Variants in LRIT1 observed in about 807,000 individuals in gnomAD.
The protein encoded by LRIT1 is leucine rich repeat, Ig-like and transmembrane domains 1.
LRIT1 carries 23 observed loss-of-function variants against 24.0 expected under a neutral mutation model. The observed-to-expected ratio is 0.96, with a 90% confidence interval of 0.69 to 1.36. The LOEUF is 1.36. LRIT1 is among the 40% of genes most tolerant of loss of function. The pLI, the probability that LRIT1 is intolerant of heterozygous loss-of-function variation, is 0.00. For missense variants in LRIT1, 846 were observed against 806.3 expected (o/e 1.05, Z -0.60); for synonymous variants, 361 against 340.5 (o/e 1.06, Z -0.66).
rs185794173 is a variant in LRIT1, at chr10:84,239,431, C to T, written c.123-1745G>A. On this transcript the variant is annotated intron_variant, in intron 1 of 3. Coordinates refer to ENST00000372105, the MANE Select transcript of LRIT1 (RefSeq NM_015613.3). ...CTGCACTCCAGCCTGGGTGACAGAGCAAGACCCTGTCTCAAAAAAAGTAAT... is the reference window on the plus strand; with the variant it reads ...CTGCACTCCAGCCTGGGTGACAGAGTAAGACCCTGTCTCAAAAAAAGTAAT... Among the ~76,000 whole-genome samples the T allele has an allele frequency of 2.4e-4, 37 of 152,250 alleles. No individual in the cohort carries two copies. In the East Asian group the frequency reaches 6.8e-3, roughly 28 times the overall value.
intron 1 of LRIT1, among the ~76,000 whole-genome samples, chr10:84,240,921 C>A (rs1322218782): frequency 6.6e-6 from 1 of 151,418 alleles, no homozygotes; most frequent in Non-Finnish European, 1.5e-5. Context: ...GTGCAAGTGG[C>A]CTGGGAAAGA....
Position 84,234,195 on chromosome 10 carries a change from G to T in LRIT1, c.773C>A (p.Pro258Gln), listed in dbSNP as rs7090059. ...LRKCQGPELHPGVASIRSLLG... is the reference protein window; with the variant it reads ...LRKCQGPELHQGVASIRSLLG... ...AAGGGACCTGATGCTGGCCACTCCT[G>T]GATGGAGCTCTGGGCCCTGGCACTT... Residue 258 changes from proline to glutamine, a missense_variant, in exon 3 of 4, where the codon CCA (proline) becomes CAA (glutamine). Pro to Gln is a moderately conservative substitution (Grantham distance 76). Transcript: ENST00000372105. 2,859 of 1,614,056 alleles carry T rather than the reference G, an allele frequency of 1.8e-3. 43 individuals are homozygous for T. The African/African-American group carries it at 0.03, about 17-fold the overall frequency.
rs1201739735 is a variant in LRIT1, at chr10:84,232,321, T to C, written c.1478A>G (p.Lys493Arg). ...VTITGLLPKTKYVACVCVQGL... is the reference protein window; with the variant it reads ...VTITGLLPKTRYVACVCVQGL... Reference sequence around the variant, plus strand: ...CTGCACACAGACACACGCCACATACTTGGTCTTGGGCAACAGCCCAGTGAT... The same window carrying C: ...CTGCACACAGACACACGCCACATACCTGGTCTTGGGCAACAGCCCAGTGAT... Residue 493 changes from lysine to arginine, a missense_variant, in exon 4 of 4, where the codon AAG (lysine) becomes AGG (arginine). Physicochemically the swap from Lys to Arg is conservative, Grantham distance 26 (BLOSUM62 2). Transcript: ENST00000372105. 3.7e-6 allele frequency: 6 copies of C among 1,613,886 alleles called. No individual in the cohort carries two copies. The highest frequency in any genetic ancestry group is 5.1e-6 in the Non-Finnish European group (6 of 1,179,966).
chr10:84,233,033 T>C, intron 3 of LRIT1, 130 bp from the exon 4 acceptor site: 1 of 1,024,202 alleles, frequency 9.8e-7, no homozygotes. Context: ...TGGCAGTCAC[T>C]CAGTGTTTCT....
chr10:84,240,636 A>C (rs1304911111), intron 1 of LRIT1, among the ~76,000 whole-genome samples: 1 of 152,156 alleles, frequency 6.6e-6, no homozygotes, highest in Non-Finnish European at 1.5e-5. Context: ...CCATGAAAGG[A>C]GAGGAGGAGA....
rs376231157 is a variant in LRIT1 at position 84,232,774 on chromosome 10, G to C, written c.1025C>G (p.Ser342Cys). The C allele has an allele frequency of 1.9e-6, 3 of 1,613,870 alleles. No homozygotes were observed. In the African/African-American group the frequency reaches 4.0e-5, roughly 22 times the overall value. Reference protein sequence around the residue: ...NFLGASETVISLIVTEPPTST... With the variant: ...NFLGASETVICLIVTEPPTST... ...AGTCGGTGGCTCAGTGACAATCAAG[G>C]AGATAACAGTTTCAGAGGCTCCCAG... The change falls in exon 4 of 4, where the codon TCC (serine) becomes TGC (cysteine). Residue 342 changes from serine to cysteine, a missense_variant. Physicochemically the swap from Ser to Cys is moderately radical, Grantham distance 112. Coordinates refer to ENST00000372105, the MANE Select transcript of LRIT1 (RefSeq NM_015613.3).
rs771371991 is a variant in LRIT1 at position 84,232,166 on chromosome 10, G to A, written c.1633C>T (p.Leu545=). The A allele has an allele frequency of 2.3e-5, 37 of 1,614,080 alleles. No individual in the cohort carries two copies. The highest frequency in any genetic ancestry group is 5.5e-5 in the South Asian group (5 of 91,086). The change falls in exon 4 of 4, where the codon CTG becomes TTG. Residue 545 remains leucine (L), a synonymous_variant. Coordinates refer to ENST00000372105, the MANE Select transcript of LRIT1 (RefSeq NM_015613.3). ...TGAAGAGCACTGCAGCAGACAAGCA[G>A]CGTGAGAGGCAGGGCAATGACGATG... ...VAIVIALPLT[L]LVCCSALQKR... is the part of the protein sequence containing the mutation.
intron 2 of LRIT1, among the ~76,000 whole-genome samples, chr10:84,235,277 C>T (rs533408508): frequency 3.3e-5 from 5 of 152,276 alleles, no homozygotes; most frequent in African/African-American, 1.2e-4. Flanking sequence ...TCTCAGGTCT[C>T]TTTGAGCACA....
intron 1 of LRIT1, 81 bp from the exon 2 acceptor site, chr10:84,237,767 C>T: frequency 9.0e-7 from 1 of 1,111,872 alleles, no homozygotes; most frequent in South Asian, 1.5e-5. Flanking sequence ...TTCGCGAGGC[C>T]TCCAGTTCTG....
At chr10:84,240,425 C>T (rs1842683023) in intron 1 of LRIT1, among the ~76,000 whole-genome samples, 1 of 152,168 alleles carries the variant, frequency 6.6e-6, no homozygotes, top group Admixed American at 6.5e-5. Flanking sequence ...ACATTCATTG[C>T]CAAGATTATT....
chr10:84,241,134 T>C (rs887617301), intron 1 of LRIT1, among the ~76,000 whole-genome samples, 184 bp downstream of exon 1: 2 of 152,026 alleles, frequency 1.3e-5, no homozygotes, highest in Non-Finnish European at 2.9e-5. Flanking sequence ...ACCTCTCGAA[T>C]AGAGTCACCC....
intron 2 of LRIT1, among the ~76,000 whole-genome samples, chr10:84,235,778 T>C (rs1461676494): frequency 3.3e-5 from 5 of 152,082 alleles, no homozygotes; most frequent in Admixed American, 6.5e-5. Context: ...ATCCAGCTAA[T>C]TTTTGTATTT....
At chr10:84,240,190 G>A (rs563781843) in intron 1 of LRIT1, among the ~76,000 whole-genome samples, 1 of 152,340 alleles carries the variant, frequency 6.6e-6, no homozygotes, top group East Asian at 1.9e-4. Flanking sequence ...CCTTCTACGG[G>A]TGGTGGGAGG....
rs1842599034 is a variant in LRIT1 at position 84,231,849 on chromosome 10, G to A, written c.*78C>T. On this transcript the variant is annotated 3_prime_UTR_variant, in exon 4 of 4. Coordinates refer to ENST00000372105, the MANE Select transcript of LRIT1 (RefSeq NM_015613.3). ...AGCAGGTACCCGAGCAGGTAAGAGT[G>A]GGTGATCGTGTACTCAGGTGTCAGA... 6.7e-7 allele frequency: 1 copy of A among 1,486,570 alleles called. No individual in the cohort carries two copies. The highest frequency in any genetic ancestry group is 9.0e-7 in the Non-Finnish European group (1 of 1,107,576). The allele number at this position is 1,486,570 out of a possible 1,614,324, so 92.1% of individuals were successfully genotyped here.
In LRIT1 at chr10:84,237,243, C is replaced by T. The variant is rs866446602; in HGVS notation, c.566G>A (p.Gly189Asp). 3.2e-6 allele frequency: 5 copies of T among 1,550,442 alleles called. No homozygotes were observed. The highest frequency in any genetic ancestry group is 2.0e-5 in the Admixed American group (1 of 51,000). Residue 189 changes from glycine to aspartate, a missense_variant, in exon 2 of 4, where the codon GGC (glycine) becomes GAC (aspartate). Physicochemically the swap from Gly to Asp is moderately conservative, Grantham distance 94. Transcript: ENST00000372105. ...AHLETGIFPPGHHPRRVLGLQ... is the reference protein window; with the variant it reads ...AHLETGIFPPDHHPRRVLGLQ... ...ACCTAGGACCCGCCTGGGGTGGTGGCCGGGAGGAAAGATACCGGTCTCCAG... is the reference window on the plus strand; with the variant it reads ...ACCTAGGACCCGCCTGGGGTGGTGGTCGGGAGGAAAGATACCGGTCTCCAG...
intron 3 of LRIT1, 41 bp from the exon 4 acceptor site, chr10:84,232,944 C>T: frequency 6.3e-7 from 1 of 1,577,822 alleles, no homozygotes; most frequent in Non-Finnish European, 8.6e-7. Context: ...CGAATGGGCC[C>T]ATCTGCCCCA....
chr10:84,241,146 C>A (rs755169885), intron 1 of LRIT1, among the ~76,000 whole-genome samples, 172 bp downstream of exon 1: 4 of 152,062 alleles, frequency 2.6e-5, no homozygotes, highest in Non-Finnish European at 4.4e-5. Context: ...GAGTCACCCC[C>A]TTGCCTGCTG....
At position 84,234,341 on chromosome 10, in the gene LRIT1, G is replaced by C. The variant is rs553352967; in HGVS notation, c.627C>G (p.Leu209=). Residue 209 remains leucine (L), a synonymous_variant, in exon 3 of 4, where the codon CTC becomes CTG. Coordinates refer to ENST00000372105, the MANE Select transcript of LRIT1 (RefSeq NM_015613.3). ...CATCCAAAAGATGAACCAGGTCATA[G>C]AGTCGGCAGTCACATGCCCAGGGGT... ...QDNPWACDCR[L]YDLVHLLDGW... The C allele has an allele frequency of 1.9e-6, 3 of 1,586,594 alleles. No individual in the cohort carries two copies. Among genetic ancestry groups the C allele is most frequent in the East Asian group, 4.5e-5 (2 of 44,436 alleles).
At chr10:84,237,787 A>G in intron 1 of LRIT1, 101 bp from the exon 2 acceptor site, 1 of 884,032 alleles carries the variant, frequency 1.1e-6, no homozygotes, top group East Asian at 2.6e-5. Flanking sequence ...GCCTGTTATC[A>G]CCGGACACCC....
Sources: gnomAD v4.1 joint callset for allele counts (sites outside exome capture counted in the v4.1 genomes callset) on GRCh38, gnomAD v4.1.1 for gene constraint, MANE v1.5 for transcripts, NCBI Gene and HGNC (gene_info 2026-07-23, HGNC 2026-07-21) for gene names.